The following ANKAR variants were observed in gnomAD, a reference collection of about 807,000 sequenced individuals.
The protein encoded by ANKAR is ankyrin and armadillo repeat-containing protein.
Under a neutral mutation model 146.2 loss-of-function variants are expected in ANKAR, and 136 were observed. The observed-to-expected ratio is 0.93, with a 90% CI of 0.81 to 1.07. The LOEUF is 1.07. Among genes scored for constraint, ANKAR ranks in the 50% least tolerant of loss-of-function variants. The probability of loss-of-function intolerance (pLI) is 0.00; values close to 1 mark genes in which losing one functional copy is unlikely to be tolerated. For missense variants in ANKAR, 1,567 were observed against 1,679.9 expected (o/e 0.93, Z 1.18); for synonymous variants, 500 against 575.8 (o/e 0.87, Z 1.88).
chr2:189,700,401 T>A, intron 7 of ANKAR, among the ~76,000 whole-genome samples: 1 of 152,208 alleles, frequency 6.6e-6, no homozygotes, highest in East Asian at 1.9e-4. Context: ...CTTTTTAAAA[T>A]AATTTTTAAT....
chr2:189,725,840 A>G (rs1191714474), intron 12 of ANKAR, among the ~76,000 whole-genome samples: 3 of 152,116 alleles, frequency 2.0e-5, no homozygotes, highest in Admixed American at 2.0e-4. Context: ...CCTGGGAGGC[A>G]GAGGTTGCAG....
At position 189,730,574 on chromosome 2, in the gene ANKAR, A is replaced by G. The variant is rs973286690; in HGVS notation, c.3273A>G (p.Leu1091=). 2.5e-6 allele frequency: 4 copies of G among 1,595,168 alleles called. No individual in the cohort carries two copies. Among genetic ancestry groups the G allele is most frequent in the African/African-American group, 1.3e-5 (1 of 74,266 alleles). Residue 1091 remains leucine (L), a synonymous_variant, in exon 16 of 23, where the codon CTA becomes CTG. Transcript: ENST00000684021. ...ENAFPVLIQL[L]RNHPSPNIKV... ...CCTTTCCAGTACTTATCCAACTACT[A>G]AGAAATCACCCTTCTCCTAACATTA...
intron 2 of ANKAR, among the ~76,000 whole-genome samples, chr2:189,685,133 G>A (rs147973776): frequency 0.019 from 2,827 of 152,022 alleles, 87 homozygotes; most frequent in African/African-American, 0.064. Flanking sequence ...AGCCTCCTGA[G>A]TAACTGGGAC....
At chr2:189,762,411 A>T, downstream of ANKAR, 1 of 197,412 alleles carries the variant, frequency 5.1e-6, no homozygotes, top group Non-Finnish European at 9.2e-6. Flanking sequence ...CCCAGGGATT[A>T]GAGATGAGCG....
intron 7 of ANKAR, among the ~76,000 whole-genome samples, chr2:189,699,904 G>T (rs898451829): frequency 6.6e-6 from 1 of 152,144 alleles, no homozygotes; most frequent in African/African-American, 2.4e-5. Flanking sequence ...AACCTCAAGT[G>T]ATCCACCCAC....
At chr2:189,748,937 A>C (rs1241145979), downstream of ANKAR, among the ~76,000 whole-genome samples, 2 of 152,010 alleles carry the variant, frequency 1.3e-5, no homozygotes, top group Non-Finnish European at 2.9e-5. Flanking sequence ...TTCTCCTATA[A>C]ATCTCCCCTA....
chr2:189,691,178 C>T (rs2036335900), intron 3 of ANKAR, among the ~76,000 whole-genome samples: 1 of 152,154 alleles, frequency 6.6e-6, no homozygotes, highest in Admixed American at 6.5e-5. Context: ...GTCTCAGCCT[C>T]CCAAGTAGCT....
At chr2:189,732,002 T>C (rs1012318576) in intron 16 of ANKAR, among the ~76,000 whole-genome samples, 6 of 152,170 alleles carry the variant, frequency 3.9e-5, no homozygotes, top group Non-Finnish European at 5.9e-5. Context: ...ATCTGGTGCA[T>C]TCTTTTAACA....
intron 16 of ANKAR, among the ~76,000 whole-genome samples, chr2:189,732,553 C>T (rs775653024): frequency 8.7e-5 from 13 of 149,708 alleles, no homozygotes; most frequent in African/African-American, 2.2e-4. Flanking sequence ...CCCAGCTACT[C>T]GGGAGGCTGG....
In ANKAR at chr2:189,753,124, A is replaced by C. The variant is rs1253007420; in HGVS notation, c.*585-7974A>C. 1.1e-5 allele frequency: 7 copies of C among 623,352 alleles called. No individual in the cohort carries two copies. The Admixed American group carries it at 2.3e-4, about 20-fold the overall frequency. The allele number at this position is 623,352 out of a possible 1,614,324, so 38.6% of individuals were successfully genotyped here. On this transcript the variant is annotated intron_variant and NMD_transcript_variant, in intron 18 of 18. Transcript: ENST00000441800. ...TAATGGGCAGATGACATATCTATGT[A>C]ATAAAAATTTGGAAAGAAAAAAATT...
chr2:189,754,589 G>A (rs2045791353), intron 18 of ANKAR: 2 of 450,670 alleles, frequency 4.4e-6, no homozygotes, highest in Non-Finnish European at 7.8e-6. Context: ...TCTATTGGTT[G>A]GAAAATGGGC....
At chr2:189,680,806 A>G (rs541468129) in intron 2 of ANKAR, among the ~76,000 whole-genome samples, 2 of 151,760 alleles carry the variant, frequency 1.3e-5, no homozygotes, top group East Asian at 3.9e-4. Context: ...ACTTGATATA[A>G]TTTTGATTTT....
At chr2:189,710,924 C>CA (rs2039600758) in intron 9 of ANKAR, 125 bp from the exon 10 acceptor site, 1 of 691,902 alleles carries the variant, frequency 1.4e-6, no homozygotes, top group African/African-American at 1.8e-5. Flanking sequence ...TTAATGCATG[C>CA]AGTTGGTGGT....
chr2:189,720,606 TG>T lies in ANKAR; in HGVS notation c.2467-12del. On this transcript the variant is annotated splice_polypyrimidine_tract_variant and intron_variant, in intron 11 of 22. Transcript: ENST00000684021. ...AAACAAATTCAAATGTAATTTTTTTTGTTTATTTTTAGAATGGAATCCCAAG... is the reference window on the plus strand; with the variant it reads ...AAACAAATTCAAATGTAATTTTTTTTTTTATTTTTAGAATGGAATCCCAAG... The T allele has an allele frequency of 1.5e-6, 2 of 1,317,912 alleles. No homozygotes were observed. The highest frequency in any genetic ancestry group is 2.0e-6 in the Non-Finnish European group (2 of 1,015,386). The allele number at this position is 1,317,912 out of a possible 1,614,324, so 81.6% of individuals were successfully genotyped here. A position where few individuals can be genotyped will look rare whatever the true frequency, so the allele number is the denominator to read the frequency against.
At chr2:189,693,933 G>A (rs2036813501) in intron 5 of ANKAR, among the ~76,000 whole-genome samples, 1 of 152,042 alleles carries the variant, frequency 6.6e-6, no homozygotes, top group South Asian at 2.1e-4. Context: ...ATTTTTAGTA[G>A]AGAAGAGGTT....
At chr2:189,698,052 TA>T (rs1182539139) in intron 7 of ANKAR, among the ~76,000 whole-genome samples, 1 of 152,192 alleles carries the variant, frequency 6.6e-6, no homozygotes, top group Non-Finnish European at 1.5e-5. Context: ...TTAATGATCA[TA>T]CTTCTATGTG....
At chr2:189,711,952 T>C (rs1280355019) in intron 10 of ANKAR, among the ~76,000 whole-genome samples, 1 of 152,240 alleles carries the variant, frequency 6.6e-6, no homozygotes, top group African/African-American at 2.4e-5. Flanking sequence ...ATCTCGTGCC[T>C]GGCTCGGCAG....
At chr2:189,726,554 A>G (rs181155111) in intron 12 of ANKAR, among the ~76,000 whole-genome samples, 2 of 152,322 alleles carry the variant, frequency 1.3e-5, no homozygotes, top group East Asian at 3.9e-4. Context: ...AATGACCCAT[A>G]TTCATTAAAA....
intron 1 of ANKAR, among the ~76,000 whole-genome samples, chr2:189,675,097 G>C (rs1168568407): frequency 6.6e-6 from 1 of 152,108 alleles, no homozygotes; most frequent in Non-Finnish European, 1.5e-5. Flanking sequence ...TTACTAAAAC[G>C]CATATTTTCT....
Sources: gnomAD v4.1 joint callset for allele counts (sites outside exome capture counted in the v4.1 genomes callset) on GRCh38, gnomAD v4.1.1 for gene constraint, MANE v1.5 for transcripts, NCBI Gene and HGNC (gene_info 2026-07-23, HGNC 2026-07-21) for gene names.